Variants in TNKS2 observed in about 807,000 individuals in gnomAD.
TNKS2 encodes the protein tankyrase 2, also known as poly [ADP-ribose] polymerase tankyrase-2.
TNKS2 carries 72 observed loss-of-function variants against 137.6 expected under a neutral mutation model. That is an observed-to-expected ratio of 0.52 (90% CI 0.43 to 0.64). The LOEUF (loss-of-function observed/expected upper bound fraction) is 0.64. Ranked by LOEUF, TNKS2 falls within the 30% of genes least tolerant of loss-of-function variation. The pLI, the probability that TNKS2 is intolerant of heterozygous loss-of-function variation, is 0.00. For synonymous variants in TNKS2, 516 were observed against 512.1 expected, an observed-to-expected ratio of 1.01 and a Z score of -0.10; for missense variants, 1,049 against 1,410.2, an observed-to-expected ratio of 0.74 and a Z score of 4.10.
chr10:91,838,191 G>C (rs192369410), intron 13 of TNKS2, among the ~76,000 whole-genome samples: 78 of 152,056 alleles, frequency 5.1e-4, no homozygotes, highest in Admixed American at 2.9e-3. Context: ...GATAGAGGGA[G>C]TCCAGAGGAG....
At chr10:91,817,474 A>G (rs867264539) in intron 3 of TNKS2, among the ~76,000 whole-genome samples, 31 of 152,286 alleles carry the variant, frequency 2.0e-4, no homozygotes, top group Admixed American at 5.9e-4. Context: ...TGAGGGTGAT[A>G]GATAATTGTA....
At chr10:91,839,545 G>A (rs1842145767) in intron 13 of TNKS2, among the ~76,000 whole-genome samples, 1 of 152,112 alleles carries the variant, frequency 6.6e-6, no homozygotes, top group South Asian at 2.1e-4. Flanking sequence ...GCCCGCCTCA[G>A]CCTCCCAAAG....
intron 7 of TNKS2, among the ~76,000 whole-genome samples, chr10:91,825,031 A>T (rs938670759): frequency 6.6e-6 from 1 of 152,098 alleles, no homozygotes; most frequent in Non-Finnish European, 1.5e-5. Flanking sequence ...TACTCTGCAC[A>T]CCCAAACCAC....
At chr10:91,855,211 T>C in intron 22 of TNKS2, 85 bp downstream of exon 22, 1 of 848,056 alleles carries the variant, frequency 1.2e-6, no homozygotes, top group Middle Eastern at 2.6e-4. Flanking sequence ...TTCCTTTAGT[T>C]TGCATTATAT....
intron 1 of TNKS2, 129 bp downstream of exon 1, chr10:91,799,018 C>T (rs1844067603): frequency 8.1e-7 from 1 of 1,234,486 alleles, no homozygotes; most frequent in Non-Finnish European, 1.0e-6. Flanking sequence ...TGATCTCGCT[C>T]TCTTCCAGTG....
At position 91,845,906 on chromosome 10, in the gene TNKS2, A is replaced by G; in HGVS notation, c.2324A>G (p.Asn775Ser). 1 of 1,585,042 alleles carries G rather than the reference A, an allele frequency of 6.3e-7. No homozygotes were observed. Among genetic ancestry groups the G allele is most frequent in the Non-Finnish European group, 8.6e-7 (1 of 1,159,154 alleles). The change falls in exon 18 of 27, where the codon AAT (asparagine) becomes AGT (serine). Residue 775 changes from asparagine to serine, a missense_variant. This residue lies in a region of TNKS2 where 208 missense variants were observed against 231.2 expected (regional missense o/e 0.90). Transcript: ENST00000371627. The stretch of plus-strand genomic sequence containing the variant: ...CATGGAGCTGACCCGACTCTTAAAA[A>G]TCAGGAAGGACAAACACCTTTAGAT... ...LAHGADPTLK[N>S]QEGQTPLDLV...
chr10:91,859,776 G>T (rs1339904464), intron 25 of TNKS2, 128 bp downstream of exon 25: 5 of 646,712 alleles, frequency 7.7e-6, no homozygotes, highest in South Asian at 2.6e-5. Context: ...ATTGCTTTTG[G>T]CCCTCTCACC....
At position 91,827,212 on chromosome 10, in the gene TNKS2, A is replaced by G; in HGVS notation, c.982+9A>G. On this transcript the variant is annotated intron_variant, in intron 8 of 26. Transcript: ENST00000371627. ...AAAAGAAAGATTAGCATGTGAGTAT[A>G]AAATTATGAATGTTCAGGTAGGATA... The G allele has an allele frequency of 6.6e-7, 1 of 1,507,940 alleles. No homozygotes were observed. Among genetic ancestry groups the G allele is most frequent in the Non-Finnish European group, 8.9e-7 (1 of 1,122,754 alleles). The allele number at this position is 1,507,940 out of a possible 1,614,324, so 93.4% of individuals were successfully genotyped here. A position where few individuals can be genotyped will look rare whatever the true frequency, so the allele number is the denominator to read the frequency against.
In TNKS2 at chr10:91,852,560, AAAAAAT is replaced by A. The variant is rs555325124; in HGVS notation, c.2815+1236_2815+1241del. 2.3e-3 allele frequency among the ~76,000 whole-genome samples: 355 copies of A among 152,400 alleles called. 1 individual carries two copies. Among genetic ancestry groups the A allele is most frequent in the African/African-American group, 8.1e-3 (338 of 41,602 alleles). ...GGTTGACAGAGCGAGACTCCGTCTC[AAAAAAT>A]AAAAATAAAAAGGTGAATTGTTTTA... On this transcript the variant is annotated intron_variant, in intron 21 of 26. Coordinates refer to ENST00000371627, the MANE Select transcript of TNKS2 (RefSeq NM_025235.4).
At position 91,849,566 on chromosome 10, in the gene TNKS2, A is replaced by G. The variant is rs1589688953; in HGVS notation, c.2666A>G (p.His889Arg). 2 of 1,612,210 alleles carry G rather than the reference A, an allele frequency of 1.2e-6. No homozygotes were observed. The highest frequency in any genetic ancestry group is 3.3e-4 in the Middle Eastern group (2 of 6,050). Reference protein sequence around the residue: ...TQFVRNLGLEHLMDIFEREQI... With the variant: ...TQFVRNLGLERLMDIFEREQI... ...TTCGTAAGGAATCTTGGACTTGAGC[A>G]CCTAATGGATATATTTGAGAGAGAA... is the stretch of plus-strand genomic sequence containing the variant. Residue 889 changes from histidine to arginine, a missense_variant, in exon 20 of 27, where the codon CAC (histidine) becomes CGC (arginine). Around this residue, in one of 6 missense-constraint regions of TNKS2, gnomAD observed 208 missense variants for 231.2 expected, o/e 0.90. Transcript: ENST00000371627.
intron 1 of TNKS2, chr10:91,807,343 G>A: frequency 6.2e-7 from 1 of 1,614,042 alleles, no homozygotes. Context: ...CCATCAGAAT[G>A]CCTATATTTG....
chr10:91,803,135 T>C (rs1416575850), intron 1 of TNKS2, among the ~76,000 whole-genome samples: 1 of 152,242 alleles, frequency 6.6e-6, no homozygotes. Flanking sequence ...CAAGTTGAGA[T>C]GGGCAAAGTC....
chr10:91,849,928 G>A (rs1366019622), intron 20 of TNKS2, among the ~76,000 whole-genome samples: 2 of 152,170 alleles, frequency 1.3e-5, no homozygotes, highest in African/African-American at 4.8e-5. Flanking sequence ...ATATGAATAT[G>A]CCAGCCATAT....
In TNKS2 at chr10:91,842,240, T is replaced by C. The variant is rs1201034752; in HGVS notation, c.1908T>C (p.Asp636=). The change falls in exon 16 of 27, where the codon GAT becomes GAC. Residue 636 remains aspartate (D), a synonymous_variant. Transcript: ENST00000371627. Reference sequence around the variant, plus strand: ...CTTTGGATCTTGTTAAAGATGGAGATACAGATATTCAAGATCTGCTTAGGG... The same window carrying C: ...CTTTGGATCTTGTTAAAGATGGAGACACAGATATTCAAGATCTGCTTAGGG... ...NTPLDLVKDG[D]TDIQDLLRGD... 20 of 1,613,938 alleles carry C rather than the reference T, an allele frequency of 1.2e-5. No homozygotes were observed. Among genetic ancestry groups the C allele is most frequent in the Non-Finnish European group, 1.7e-5 (20 of 1,179,984 alleles).
chr10:91,854,136 G>A (rs1842635029), intron 21 of TNKS2, among the ~76,000 whole-genome samples: 2 of 150,862 alleles, frequency 1.3e-5, no homozygotes, highest in South Asian at 4.2e-4. Context: ...GGTAAACTGT[G>A]GATTTCTCAT....
In TNKS2 at chr10:91,828,425, GT is replaced by G; in HGVS notation, c.1104+24del. On this transcript the variant is annotated intron_variant, in intron 9 of 26. Transcript: ENST00000371627. Reference sequence around the variant, plus strand: ...AGCATTGGTAATGTTTCAGATTTAAGTTTTTAAAATACAATAACGAAGAACG... The same window carrying G: ...AGCATTGGTAATGTTTCAGATTTAAGTTTTAAAATACAATAACGAAGAACG... 1 of 1,540,086 alleles carries G rather than the reference GT, an allele frequency of 6.5e-7. No homozygotes were observed. The highest frequency in any genetic ancestry group is 8.7e-7 in the Non-Finnish European group (1 of 1,146,294).
intron 11 of TNKS2, among the ~76,000 whole-genome samples, chr10:91,833,541 C>A (rs1178833832): frequency 6.6e-6 from 1 of 151,998 alleles, no homozygotes; most frequent in Non-Finnish European, 1.5e-5. Context: ...CTTTAGAGAT[C>A]CATAAAAATA....
chr10:91,837,871 C>G (rs1842077582), intron 13 of TNKS2, among the ~76,000 whole-genome samples: 1 of 151,998 alleles, frequency 6.6e-6, no homozygotes, highest in African/African-American at 2.4e-5. Flanking sequence ...TTATTTTGAT[C>G]CTCATTATTC....
intron 18 of TNKS2, among the ~76,000 whole-genome samples, chr10:91,846,799 T>G (rs1487744792): frequency 6.6e-6 from 1 of 152,214 alleles, no homozygotes; most frequent in Non-Finnish European, 1.5e-5. Flanking sequence ...GGAAATATCT[T>G]TCTAGTTCCA....
Sources: allele counts gnomAD v4.1 joint callset (sites outside exome capture counted in the v4.1 genomes callset), GRCh38; gene constraint gnomAD v4.1.1; regional missense constraint gnomAD v4.1.1; transcripts MANE v1.5; gene names NCBI Gene and HGNC (gene_info 2026-07-23, HGNC 2026-07-21).